The following NPAT variants were observed in gnomAD, a reference collection of about 807,000 sequenced individuals.
NPAT encodes the protein protein NPAT.
In NPAT, 52 loss-of-function variants were observed where a neutral mutation model predicts 130.7. That is an observed-to-expected ratio of 0.40 (90% CI 0.32 to 0.50). NPAT has a LOEUF of 0.50. NPAT is among the 20% of genes least tolerant of loss of function. The probability of loss-of-function intolerance (pLI) is 0.68; values close to 1 mark genes in which losing one functional copy is unlikely to be tolerated. For synonymous variants in NPAT, 580 were observed against 584.8 expected (o/e 0.99, Z 0.12); for missense variants, 1,687 against 1,662.6 (o/e 1.01, Z -0.26).
chr11:108,221,762 G>A (rs1162262663), intron 1 of NPAT, among the ~76,000 whole-genome samples: 1 of 152,006 alleles, frequency 6.6e-6, no homozygotes, highest in East Asian at 1.9e-4. Flanking sequence ...TTCTTTCAGG[G>A]GACAAACAAC....
intron 12 of NPAT, among the ~76,000 whole-genome samples, chr11:108,175,325 TG>T (rs566533172): frequency 1.3e-4 from 20 of 152,170 alleles, no homozygotes; most frequent in Non-Finnish European, 2.4e-4. Context: ...AGGCACCCAC[TG>T]GGGGGCTTGG....
Position 108,183,871 on chromosome 11 carries a change from G to T in NPAT, c.906+1361C>A, listed in dbSNP as rs113146319. ...GCCTGTAGTCCCAGCTACTCAGAAG[G>T]CTGAGATGGGAGTATCACTTGAGCT... On this transcript the variant is annotated intron_variant, in intron 10 of 17. Coordinates refer to ENST00000278612, the MANE Select transcript of NPAT (RefSeq NM_002519.3). 7.3e-3 allele frequency among the ~76,000 whole-genome samples: 1,106 copies of T among 152,066 alleles called. 7 individuals carry two copies. Among genetic ancestry groups the T allele is most frequent in the African/African-American group, 0.024 (984 of 41,470 alleles).
chr11:108,210,315 T>C (rs2078372575), intron 1 of NPAT, among the ~76,000 whole-genome samples: 1 of 152,148 alleles, frequency 6.6e-6, no homozygotes, highest in South Asian at 2.1e-4. Context: ...AGGTGGGGCC[T>C]GGTGGGAGGT....
chr11:108,189,802 G>A (rs1475303924), intron 5 of NPAT, among the ~76,000 whole-genome samples: 1 of 149,354 alleles, frequency 6.7e-6, no homozygotes, highest in African/African-American at 2.5e-5. Context: ...CCCGGGAGGC[G>A]GAGCTTGCAG....
At chr11:108,203,470 C>T (rs1456157649) in intron 1 of NPAT, among the ~76,000 whole-genome samples, 1 of 152,172 alleles carries the variant, frequency 6.6e-6, no homozygotes, top group Non-Finnish European at 1.5e-5. Context: ...TTAGATTCAT[C>T]ATACTCGAGT....
At chr11:108,197,265 T>C in intron 2 of NPAT, 37 bp downstream of exon 2, 1 of 1,307,684 alleles carries the variant, frequency 7.6e-7, no homozygotes, top group Non-Finnish European at 1.1e-6. Flanking sequence ...GTCTCTTGTG[T>C]TGATGAAATA....
rs746949130 is a variant in NPAT at position 108,176,347 on chromosome 11, G to A, written c.1031C>T (p.Ser344Leu). ...YGKTKNNKNI[S>L]QSISSQPMES... ...CATAGGTTGACTGGAAATACTTTGT[G>A]ATATATTTTTATTATTCTTTGTTTT... Residue 344 changes from serine (S) to leucine (L), a missense_variant, in exon 12 of 18, where the codon TCA becomes TTA. Physicochemically the swap from Ser to Leu is moderately radical, Grantham distance 145. Coordinates refer to ENST00000278612, the MANE Select transcript of NPAT (RefSeq NM_002519.3). The A allele has an allele frequency of 1.2e-5, 19 of 1,553,922 alleles. No homozygotes were observed. Among genetic ancestry groups the A allele is most frequent in the Non-Finnish European group, 1.7e-5 (19 of 1,126,016 alleles).
Position 108,172,723 on chromosome 11 carries a change from G to A in NPAT, c.2261C>T (p.Thr754Ile), listed in dbSNP as rs750840571. ...ACTAGAAACAGCACTGGTAAGTTCA[G>A]TATCTGAGGAAACAAATGGATCATC... is the stretch of plus-strand genomic sequence containing the variant. Reference protein sequence around the residue: ...ISDDPFVSSDTELTSAVSSIN... With the variant: ...ISDDPFVSSDIELTSAVSSIN... The change falls in exon 13 of 18, where the codon ACT becomes ATT. Residue 754 changes from threonine (T) to isoleucine (I), a missense_variant. By Grantham distance (89) the Thr-to-Ile change is moderately conservative. This residue lies in a region of NPAT where 1,379 missense variants were observed against 1,346.6 expected (regional missense o/e 1.02). Coordinates refer to ENST00000278612, the MANE Select transcript of NPAT (RefSeq NM_002519.3). 2 of 1,613,582 alleles carry A rather than the reference G, an allele frequency of 1.2e-6. No homozygotes were observed. The highest frequency in any genetic ancestry group is 8.5e-7 in the Non-Finnish European group (1 of 1,180,024).
At chr11:108,219,492 T>G (rs1345172193) in intron 1 of NPAT, among the ~76,000 whole-genome samples, 1 of 152,218 alleles carries the variant, frequency 6.6e-6, no homozygotes, top group Non-Finnish European at 1.5e-5. Context: ...CTTTTTTTAC[T>G]GCATGCTGTC....
intron 15 of NPAT, among the ~76,000 whole-genome samples, chr11:108,166,655 T>C (rs2077905422): frequency 6.6e-6 from 1 of 152,198 alleles, no homozygotes; most frequent in African/African-American, 2.4e-5. Context: ...TTCTAAACTA[T>C]CTTGTTCCAT....
intron 1 of NPAT, among the ~76,000 whole-genome samples, chr11:108,201,874 G>A (rs758020808): frequency 6.6e-6 from 1 of 152,222 alleles, no homozygotes; most frequent in Non-Finnish European, 1.5e-5. Flanking sequence ...ACAGATAGTA[G>A]TGCAAACCTA....
At chr11:108,178,749 T>C (rs933296954) in intron 10 of NPAT, among the ~76,000 whole-genome samples, 3 of 152,132 alleles carry the variant, frequency 2.0e-5, no homozygotes, top group African/African-American at 7.2e-5. Context: ...TCCCAGCTAC[T>C]TGGGAGGCTA....
At chr11:108,178,042 C>G (rs1204649283) in intron 10 of NPAT, among the ~76,000 whole-genome samples, 1 of 152,182 alleles carries the variant, frequency 6.6e-6, no homozygotes, top group Non-Finnish European at 1.5e-5. Flanking sequence ...GTTCTATAAT[C>G]TACTTTCTTT....
chr11:108,170,149 G>A (rs1042898102), intron 13 of NPAT, 106 bp from the exon 14 acceptor site: 2 of 617,212 alleles, frequency 3.2e-6, no homozygotes, highest in African/African-American at 3.7e-5. Context: ...TAAATTCTAT[G>A]AACAATCCCT....
intron 1 of NPAT, among the ~76,000 whole-genome samples, chr11:108,210,952 G>A (rs1003263720): frequency 1.3e-5 from 2 of 152,186 alleles, no homozygotes; most frequent in Non-Finnish European, 2.9e-5. Flanking sequence ...CAGGGTCAAT[G>A]GCTCATGCCT....
At chr11:108,195,069 G>T (rs913372589) in intron 2 of NPAT, among the ~76,000 whole-genome samples, 1 of 150,694 alleles carries the variant, frequency 6.6e-6, no homozygotes, top group Non-Finnish European at 1.5e-5. Flanking sequence ...CTATCCACTC[G>T]CCTTGGCCTC....
At position 108,176,377 on chromosome 11, in the gene NPAT, G is replaced by A. The variant is rs2078006504; in HGVS notation, c.1004-3C>T. The A allele has an allele frequency of 6.6e-7, 1 of 1,524,478 alleles. No homozygotes were observed. Among genetic ancestry groups the A allele is most frequent in the Non-Finnish European group, 9.1e-7 (1 of 1,100,220 alleles). The allele number at this position is 1,524,478 out of a possible 1,614,324, so 94.4% of individuals were successfully genotyped here. On this transcript the variant is annotated splice_polypyrimidine_tract_variant and splice_region_variant and intron_variant, in intron 11 of 17. Coordinates refer to ENST00000278612, the MANE Select transcript of NPAT (RefSeq NM_002519.3). ...ATTTTTATTATTCTTTGTTTTGCCT[G>A]TTAAAAAGGGAATATGGAAATAATT...
Position 108,172,280 on chromosome 11 carries a change from G to A in NPAT, c.2704C>T (p.Leu902=). 1.2e-6 allele frequency: 2 copies of A among 1,614,054 alleles called. No individual in the cohort carries two copies. Among genetic ancestry groups the A allele is most frequent in the Non-Finnish European group, 1.7e-6 (2 of 1,179,870 alleles). The change falls in exon 13 of 18, where the codon CTA becomes TTA. Residue 902 remains leucine, a synonymous_variant. Transcript: ENST00000278612. ...GGTGGTGTCTGTAACTGAGGTGGTAGAGGTTGAGCAGTCATAGGTGCAGAA... is the reference window on the plus strand; with the variant it reads ...GGTGGTGTCTGTAACTGAGGTGGTAAAGGTTGAGCAGTCATAGGTGCAGAA... The part of the protein sequence containing the change: ...GNSAPMTAQP[L]PPQLQTPPRS...
intron 12 of NPAT, among the ~76,000 whole-genome samples, chr11:108,175,167 T>C (rs2077992588): frequency 6.6e-6 from 1 of 152,236 alleles, no homozygotes; most frequent in South Asian, 2.1e-4. Context: ...ATAACTTTTA[T>C]TACAGTATAT....
Sources: gnomAD v4.1 joint callset for allele counts (sites outside exome capture counted in the v4.1 genomes callset) on GRCh38, gnomAD v4.1.1 for gene constraint, gnomAD v4.1.1 regional missense constraint, MANE v1.5 for transcripts, NCBI Gene and HGNC (gene_info 2026-07-23, HGNC 2026-07-21) for gene names.